Variants in CREBL2 observed in about 807,000 individuals in gnomAD.
CREBL2 encodes cAMP responsive element binding protein like 2.
CREBL2 carries 4 observed loss-of-function variants against 19.5 expected under a neutral mutation model. The observed-to-expected ratio is 0.20, with a 90% CI of 0.10 to 0.47. The LOEUF is 0.47. Among genes scored for constraint, CREBL2 ranks in the 20% least tolerant of loss-of-function variants. The pLI is 0.98. For synonymous variants in CREBL2, 42 were observed against 46.6 expected (o/e 0.90, Z 0.40); for missense variants, 85 against 145.1 (o/e 0.59, Z 2.13).
At chr12:12,636,520 C>T (rs1461267481) in intron 2 of CREBL2, among the ~76,000 whole-genome samples, 2 of 152,048 alleles carry the variant, frequency 1.3e-5, no homozygotes, top group African/African-American at 2.4e-5. Flanking sequence ...CCCAGGTTCA[C>T]GCCATTCTCC....
intron 1 of CREBL2, among the ~76,000 whole-genome samples, chr12:12,626,760 G>A (rs557373407): frequency 1.1e-4 from 16 of 151,874 alleles, no homozygotes; most frequent in African/African-American, 3.1e-4. Context: ...AAAAAGAAAC[G>A]AGTTGCTAGG....
intron 3 of CREBL2, among the ~76,000 whole-genome samples, chr12:12,638,947 C>G (rs1340706518): frequency 6.6e-6 from 1 of 152,150 alleles, no homozygotes; most frequent in Non-Finnish European, 1.5e-5. Context: ...AATCCTGAAC[C>G]CATTAAGCAG....
intron 1 of CREBL2, among the ~76,000 whole-genome samples, chr12:12,615,028 T>G (rs1945299279): frequency 6.6e-6 from 1 of 152,130 alleles, no homozygotes; most frequent in African/African-American, 2.4e-5. Context: ...CGGCTAATTT[T>G]TTTTTGAGAC....
At chr12:12,619,732 C>A (rs1201395640) in intron 1 of CREBL2, among the ~76,000 whole-genome samples, 1 of 152,148 alleles carries the variant, frequency 6.6e-6, no homozygotes, top group African/African-American at 2.4e-5. Context: ...TTATGTTGGA[C>A]TTTATTGAAT....
chr12:12,632,074 T>TTG (rs1566112114), intron 1 of CREBL2, among the ~76,000 whole-genome samples: 2 of 120,968 alleles, frequency 1.7e-5, no homozygotes, highest in Non-Finnish European at 3.4e-5. Context: ...CTTTCTTTTT[T>TTG]TTTTTTTTTT....
rs1945438122 is a variant in CREBL2, at chr12:12,630,849, T to C, written c.16-4928T>C. Among the ~76,000 whole-genome samples, 4 of 152,230 alleles carry C rather than the reference T, an allele frequency of 2.6e-5. No individual in the cohort carries two copies. The South Asian group carries it at 8.3e-4, about 31-fold the overall frequency. On this transcript the variant is annotated intron_variant, in intron 1 of 3. Coordinates refer to ENST00000228865, the MANE Select transcript of CREBL2 (RefSeq NM_001310.4). The stretch of plus-strand genomic sequence containing the variant: ...TTCTAATTTCCCTTGTAATCACAAT[T>C]GCCATCTATTTTCCTCAAAGTATTT...
At chr12:12,613,208 T>C (rs888993429) in intron 1 of CREBL2, among the ~76,000 whole-genome samples, 6 of 152,262 alleles carry the variant, frequency 3.9e-5, no homozygotes, top group Non-Finnish European at 7.3e-5. Context: ...TAGTGTTGTT[T>C]AGTTTTATTT....
intron 1 of CREBL2, among the ~76,000 whole-genome samples, chr12:12,616,826 T>C (rs1945315350): frequency 6.6e-6 from 1 of 152,126 alleles, no homozygotes; most frequent in Non-Finnish European, 1.5e-5. Context: ...GGATTGGGGT[T>C]TGGAAGTATG....
chr12:12,635,388 T>A (rs1437161519), intron 1 of CREBL2, among the ~76,000 whole-genome samples: 1 of 149,366 alleles, frequency 6.7e-6, no homozygotes, highest in East Asian at 2.0e-4. Context: ...AAAAAAAAAA[T>A]TGTCATGAAC....
intron 1 of CREBL2, chr12:12,614,876 G>A (rs79175136): frequency 5.2e-5 from 7 of 133,922 alleles, no homozygotes; most frequent in Non-Finnish European, 9.6e-5. Flanking sequence ...TTTTTTTTTT[G>A]AGATGGAGTC....
chr12:12,635,548 A>G (rs1330122434), intron 1 of CREBL2, among the ~76,000 whole-genome samples: 1 of 152,118 alleles, frequency 6.6e-6, no homozygotes, highest in African/African-American at 2.4e-5. Context: ...TTATCAAATA[A>G]ATAATAAAAA....
chr12:12,611,966 G>C lies in CREBL2; in HGVS notation c.-207G>C. On this transcript the variant is annotated 5_prime_UTR_variant, in exon 1 of 4. Coordinates refer to ENST00000228865, the MANE Select transcript of CREBL2 (RefSeq NM_001310.4). ...CGGCGGCGGCGAAGGGAGGCGTTTG[G>C]GGCCGCCTCCAGGGTCCGCTCTGCC... is the stretch of plus-strand genomic sequence containing the variant. 1.7e-6 allele frequency: 1 copy of C among 604,840 alleles called. No homozygotes were observed. 37.5% of individuals were successfully genotyped at this position (604,840 alleles called of 1,614,324 possible).
Position 12,642,246 on chromosome 12 carries a change from A to C in CREBL2, c.*248A>C. 2.9e-6 allele frequency: 1 copy of C among 347,910 alleles called. No individual in the cohort carries two copies. 21.6% of individuals were successfully genotyped at this position (347,910 alleles called of 1,614,324 possible). On this transcript the variant is annotated 3_prime_UTR_variant, in exon 4 of 4. Coordinates refer to ENST00000228865, the MANE Select transcript of CREBL2 (RefSeq NM_001310.4). The stretch of plus-strand genomic sequence containing the variant: ...GGTATTGCCACCCATGACATTTAAC[A>C]TGTTGTGATGCTTGAAAACACAGGA...
At position 12,637,650 on chromosome 12, in the gene CREBL2, C is replaced by T. The variant is rs1945485071; in HGVS notation, c.294C>T (p.Asn98=). Residue 98 remains asparagine, a synonymous_variant, in exon 3 of 4, where the codon AAC becomes AAT. Transcript: ENST00000228865. ...CCCTACTCACTGGAGAAGAGCAGAA[C>T]AAATCTCAGCAGAACTCAAGCAGGC... ...IKALLTGEEQ[N]KSQQNSSRHT... is the part of the protein sequence containing the mutation. The T allele has an allele frequency of 9.9e-6, 16 of 1,613,660 alleles. No individual in the cohort carries two copies. Among genetic ancestry groups the T allele is most frequent in the Non-Finnish European group, 1.4e-5 (16 of 1,179,750 alleles).
chr12:12,635,122 G>A (rs956760351), intron 1 of CREBL2, among the ~76,000 whole-genome samples: 2 of 151,958 alleles, frequency 1.3e-5, no homozygotes, highest in African/African-American at 4.8e-5. Flanking sequence ...CACCTTGGGA[G>A]GCCAAGGCAA....
rs1379780540 is a variant in CREBL2 at position 12,643,547 on chromosome 12, T to A, written c.*1549T>A. On this transcript the variant is annotated 3_prime_UTR_variant, in exon 4 of 4. Coordinates refer to ENST00000228865, the MANE Select transcript of CREBL2 (RefSeq NM_001310.4). ...GAGGTAGAATATATGATGGACCACATAGTTTAAGATTACAAGGTACTTTCC... is the reference window on the plus strand; with the variant it reads ...GAGGTAGAATATATGATGGACCACAAAGTTTAAGATTACAAGGTACTTTCC... 6.6e-6 allele frequency: 1 copy of A among 152,354 alleles called. No homozygotes were observed. The highest frequency in any genetic ancestry group is 1.5e-5 in the Non-Finnish European group (1 of 68,028). The allele number at this position is 152,354 out of a possible 1,614,324, so 9.4% of individuals were successfully genotyped here. A position where few individuals can be genotyped will look rare whatever the true frequency, so the allele number is the denominator to read the frequency against.
At chr12:12,617,861 G>A in intron 1 of CREBL2, among the ~76,000 whole-genome samples, 1 of 150,150 alleles carries the variant, frequency 6.7e-6, no homozygotes, top group East Asian at 2.0e-4. Context: ...ATTAGGGAAT[G>A]GTGATGACTC....
intron 1 of CREBL2, among the ~76,000 whole-genome samples, chr12:12,627,139 A>G (rs934714024): frequency 6.6e-6 from 1 of 152,170 alleles, no homozygotes; most frequent in Non-Finnish European, 1.5e-5. Flanking sequence ...CATAGAATAT[A>G]CCACACCAAG....
chr12:12,613,399 C>G (rs1023975636), intron 1 of CREBL2, among the ~76,000 whole-genome samples: 19 of 152,206 alleles, frequency 1.2e-4, no homozygotes, highest in Admixed American at 2.6e-4. Flanking sequence ...TTTACGATAG[C>G]TTTGTCCTTT....
Sources: gnomAD v4.1 joint callset for allele counts (sites outside exome capture counted in the v4.1 genomes callset) on GRCh38, gnomAD v4.1.1 for gene constraint, MANE v1.5 for transcripts, NCBI Gene and HGNC (gene_info 2026-07-23, HGNC 2026-07-21) for gene names.